Variants in NEK10 observed in about 807,000 individuals in gnomAD.
NEK10 encodes NIMA related kinase 10, also known as serine/threonine-protein kinase Nek10.
A neutral mutation model predicts 159.8 loss-of-function variants in NEK10; 122 were observed. The ratio of observed to expected loss-of-function variants is 0.76; its 90% confidence interval spans 0.66 to 0.89. NEK10 has a LOEUF of 0.89. NEK10 is among the 40% of genes least tolerant of loss of function. NEK10 has a pLI of 0.00. For missense variants in NEK10, 1,342 were observed against 1,323.1 expected (o/e 1.01, Z -0.22); for synonymous variants, 466 against 457.1 (o/e 1.02, Z -0.25).
At chr3:27,342,861 T>C (rs1038272249) in intron 5 of NEK10, among the ~76,000 whole-genome samples, 5 of 152,170 alleles carry the variant, frequency 3.3e-5, no homozygotes, top group South Asian at 2.1e-4. Context: ...TGCATAATGA[T>C]TCTGTTATTA....
intron 23 of NEK10, among the ~76,000 whole-genome samples, chr3:27,242,435 C>T (rs1269760355): frequency 6.6e-6 from 1 of 152,226 alleles, no homozygotes; most frequent in Non-Finnish European, 1.5e-5. Context: ...TTACTGCCCT[C>T]TGCCCCCATT....
In NEK10 at chr3:27,344,276, T is replaced by C. The variant is rs758917372; in HGVS notation, c.358A>G (p.Ser120Gly). ...GTTTTCCAGGAACAATCTTACCTGC[T>C]TATGAGTCTATTTTTCACCAAGGCG... The part of the protein sequence containing the change: ...FTALVKNRLI[S>G]REWVNRAPSI... The change falls in exon 5 of 36, where the codon AGC becomes GGC. Residue 120 changes from serine to glycine, a missense_variant. Ser to Gly is a moderately conservative substitution (Grantham distance 56, BLOSUM62 0). Transcript: ENST00000691995. The C allele has an allele frequency of 6.5e-7, 1 of 1,529,738 alleles. No homozygotes were observed. Among genetic ancestry groups the C allele is most frequent in the East Asian group, 2.3e-5 (1 of 44,372 alleles). 94.8% of individuals were successfully genotyped at this position (1,529,738 alleles called of 1,614,324 possible). A position where few individuals can be genotyped will look rare whatever the true frequency, so the allele number is the denominator to read the frequency against.
At chr3:27,159,480 C>A (rs189342840) in intron 30 of NEK10, among the ~76,000 whole-genome samples, 93 of 152,032 alleles carry the variant, frequency 6.1e-4, no homozygotes, top group African/African-American at 2.1e-3. Context: ...AAATTTGTAC[C>A]ATGGTAATTC....
intron 30 of NEK10, among the ~76,000 whole-genome samples, chr3:27,159,260 A>T (rs1354767477): frequency 1.3e-5 from 2 of 152,198 alleles, no homozygotes; most frequent in Non-Finnish European, 2.9e-5. Context: ...GCATAAGCAG[A>T]AAACAATATC....
chr3:27,201,761 T>C (rs1950064632), intron 24 of NEK10, among the ~76,000 whole-genome samples, 181 bp from the exon 25 acceptor site: 1 of 152,214 alleles, frequency 6.6e-6, no homozygotes, highest in Non-Finnish European at 1.5e-5. Context: ...TGAACTGGAA[T>C]TATATTATCC....
rs145359888 is a variant in NEK10, at chr3:27,118,440, T to C, written c.3190+1320A>G. On this transcript the variant is annotated intron_variant, in intron 33 of 35. Transcript: ENST00000691995. ...TAGGCCACTTCTCTGCCAATTCAAATAGAGAAGAGAGAATGGGTTTAGGGT... is the reference window on the plus strand; with the variant it reads ...TAGGCCACTTCTCTGCCAATTCAAACAGAGAAGAGAGAATGGGTTTAGGGT... 2.8e-3 allele frequency among the ~76,000 whole-genome samples: 420 copies of C among 152,304 alleles called. 2 individuals carry two copies. Among genetic ancestry groups the C allele is most frequent in the African/African-American group, 9.6e-3 (398 of 41,556 alleles).
chr3:27,334,873 C>T (rs1346444523), intron 5 of NEK10, among the ~76,000 whole-genome samples: 1 of 152,032 alleles, frequency 6.6e-6, no homozygotes, highest in Non-Finnish European at 1.5e-5. Flanking sequence ...CAATGATTAT[C>T]CAACAATAGA....
At chr3:27,279,128 A>T (rs2041969908) in intron 22 of NEK10, among the ~76,000 whole-genome samples, 1 of 152,260 alleles carries the variant, frequency 6.6e-6, no homozygotes, top group Non-Finnish European at 1.5e-5. Flanking sequence ...TCCTGCCAGC[A>T]TGCTTACTAT....
chr3:27,121,124 A>T (rs1321302355), intron 32 of NEK10, among the ~76,000 whole-genome samples: 1 of 152,228 alleles, frequency 6.6e-6, no homozygotes, highest in East Asian at 1.9e-4. Flanking sequence ...ATCAAAAGAC[A>T]TGTATAAGAA....
chr3:27,236,910 T>C (rs1054146341), intron 23 of NEK10, among the ~76,000 whole-genome samples: 6 of 152,094 alleles, frequency 3.9e-5, no homozygotes, highest in Non-Finnish European at 5.9e-5. Context: ...TGGGATCTTT[T>C]CCCCACTCTA....
chr3:27,253,052 A>G (rs1381883230), intron 23 of NEK10: 3 of 367,070 alleles, frequency 8.2e-6, no homozygotes, highest in Non-Finnish European at 1.6e-5. Context: ...GTTAATAGGC[A>G]TGCTTCACTT....
At chr3:27,292,085 A>C (rs1261571935) in intron 16 of NEK10, among the ~76,000 whole-genome samples, 1 of 152,228 alleles carries the variant, frequency 6.6e-6, no homozygotes, top group Non-Finnish European at 1.5e-5. Context: ...TTTGAGAGGT[A>C]AGAAAAAAAC....
intron 32 of NEK10, among the ~76,000 whole-genome samples, chr3:27,122,590 G>A (rs1941468135): frequency 6.6e-6 from 1 of 152,096 alleles, no homozygotes; most frequent in African/African-American, 2.4e-5. Context: ...AATGTCTTGT[G>A]ATGCTGAAAA....
intron 23 of NEK10, among the ~76,000 whole-genome samples, chr3:27,230,150 G>C (rs564452911): frequency 1.3e-5 from 2 of 151,942 alleles, no homozygotes; most frequent in East Asian, 3.9e-4. Flanking sequence ...AAGAGAAACC[G>C]ATCAGACTAA....
chr3:27,240,974 G>T (rs937626051), intron 23 of NEK10, among the ~76,000 whole-genome samples: 3 of 151,998 alleles, frequency 2.0e-5, no homozygotes, highest in African/African-American at 7.3e-5. Flanking sequence ...ATTTTAAAAT[G>T]ATCATTACCT....
At chr3:27,117,244 T>C (rs1940596817) in intron 33 of NEK10, among the ~76,000 whole-genome samples, 1 of 152,260 alleles carries the variant, frequency 6.6e-6, no homozygotes, top group South Asian at 2.1e-4. Context: ...GCATTTGGGT[T>C]GATTCCATGT....
At chr3:27,306,456 C>A (rs1406265974) in intron 11 of NEK10, among the ~76,000 whole-genome samples, 2 of 152,136 alleles carry the variant, frequency 1.3e-5, no homozygotes, top group Non-Finnish European at 2.9e-5. Context: ...TTTACCTTCA[C>A]GAACTTTCCC....
intron 30 of NEK10, among the ~76,000 whole-genome samples, chr3:27,145,061 C>T (rs773103670): frequency 3.3e-5 from 5 of 151,832 alleles, no homozygotes; most frequent in Non-Finnish European, 7.4e-5. Flanking sequence ...TTTTGTCTAG[C>T]TTTAAAAACA....
chr3:27,205,068 G>A (rs530401391), intron 23 of NEK10, among the ~76,000 whole-genome samples: 74 of 152,002 alleles, frequency 4.9e-4, no homozygotes, highest in African/African-American at 1.7e-3. Context: ...TAGTGATGAT[G>A]AGCATTTTTT....
Sources: allele counts gnomAD v4.1 joint callset (sites outside exome capture counted in the v4.1 genomes callset), GRCh38; gene constraint gnomAD v4.1.1; transcripts MANE v1.5; gene names NCBI Gene and HGNC (gene_info 2026-07-23, HGNC 2026-07-21).